Variants in SPATA6 observed in about 807,000 individuals in gnomAD.
SPATA6 encodes the protein spermatogenesis associated 6, also known as spermatogenesis-associated protein 6.
Under a neutral mutation model 65.3 loss-of-function variants are expected in SPATA6, and 56 were observed. That is an observed-to-expected ratio of 0.86 (90% confidence interval 0.69 to 1.07). SPATA6 has a LOEUF of 1.07. Ranked by LOEUF, SPATA6 falls within the 50% of genes least tolerant of loss-of-function variation. The pLI is 0.00. For missense variants in SPATA6, 590 were observed against 594.8 expected (o/e 0.99, Z 0.08); for synonymous variants, 199 against 213.2 (o/e 0.93, Z 0.58).
intron 11 of SPATA6, among the ~76,000 whole-genome samples, chr1:48,342,476 C>G (rs142459454): frequency 6.6e-6 from 1 of 151,876 alleles, no homozygotes; most frequent in Admixed American, 6.6e-5. Context: ...ATTAGTCGGA[C>G]GTGGTGGCCC....
intron 11 of SPATA6, among the ~76,000 whole-genome samples, chr1:48,307,405 T>G (rs1390479254): frequency 6.7e-6 from 1 of 148,730 alleles, no homozygotes; most frequent in South Asian, 2.1e-4. Flanking sequence ...TATATTCATA[T>G]ATATATAACT....
chr1:48,466,754 G>A (rs1657838591), intron 1 of SPATA6, among the ~76,000 whole-genome samples: 1 of 151,914 alleles, frequency 6.6e-6, no homozygotes, highest in African/African-American at 2.4e-5. Flanking sequence ...AACTGTGACT[G>A]AGACACTACC....
At chr1:48,447,523 C>CA (rs1478100129) in intron 3 of SPATA6, among the ~76,000 whole-genome samples, 1 of 151,772 alleles carries the variant, frequency 6.6e-6, no homozygotes, top group Non-Finnish European at 1.5e-5. Flanking sequence ...CATCTCAAAA[C>CA]AAAAAAACAT....
At position 48,316,552 on chromosome 1, in the gene SPATA6, C is replaced by T. The variant is rs560906265; in HGVS notation, c.1195-10674G>A. On this transcript the variant is annotated intron_variant, in intron 11 of 12. Coordinates refer to ENST00000371847, the MANE Select transcript of SPATA6 (RefSeq NM_019073.4). ...TAATTCAAGATGGATTAAAGACTTA[C>T]TTGTTAGACCTAAAACCATAAAAAC... 7.3e-4 allele frequency among the ~76,000 whole-genome samples: 111 copies of T among 152,088 alleles called. 1 individual carries two copies. Among genetic ancestry groups the T allele is most frequent in the Middle Eastern group, 3.4e-3 (1 of 294 alleles).
intron 11 of SPATA6, among the ~76,000 whole-genome samples, chr1:48,313,314 A>G (rs955922135): frequency 8.5e-5 from 13 of 152,218 alleles, no homozygotes; most frequent in Non-Finnish European, 1.6e-4. Context: ...GTTACCCACA[A>G]AGGGAGGCCC....
chr1:48,385,110 G>A (rs532929847), intron 9 of SPATA6, among the ~76,000 whole-genome samples, 199 bp downstream of exon 9: 160 of 151,920 alleles, frequency 1.1e-3, no homozygotes, highest in African/African-American at 3.8e-3. Flanking sequence ...ATAACCAAAA[G>A]CCAAAAAATA....
chr1:48,470,724 G>A (rs1658175917), intron 1 of SPATA6, among the ~76,000 whole-genome samples: 1 of 152,140 alleles, frequency 6.6e-6, no homozygotes. Context: ...AGGAAAGGCG[G>A]GAAGCTGCAA....
chr1:48,352,210 A>G (rs1188808606), intron 11 of SPATA6, among the ~76,000 whole-genome samples: 1 of 152,054 alleles, frequency 6.6e-6, no homozygotes, highest in African/African-American at 2.4e-5. Flanking sequence ...ATCAGACCTC[A>G]TGAGACTTAT....
chr1:48,372,265 G>A (rs956476238), intron 9 of SPATA6, among the ~76,000 whole-genome samples: 2 of 152,154 alleles, frequency 1.3e-5, no homozygotes, highest in African/African-American at 2.4e-5. Context: ...TGGGGGTACA[G>A]GTATTGGGTA....
At chr1:48,371,542 C>T (rs1284097617) in intron 9 of SPATA6, among the ~76,000 whole-genome samples, 10 of 152,270 alleles carry the variant, frequency 6.6e-5, no homozygotes, top group African/African-American at 2.4e-4. Context: ...AGTGGCTGGA[C>T]ATCATAAACG....
chr1:48,410,650 TCA>T (rs59079314), intron 5 of SPATA6, among the ~76,000 whole-genome samples: 4,655 of 152,192 alleles, frequency 0.031, 219 homozygotes, highest in African/African-American at 0.11. Context: ...AAACTTACAA[TCA>T]CAGTGGAAGG....
intron 11 of SPATA6, among the ~76,000 whole-genome samples, chr1:48,335,915 A>G (rs1479696572): frequency 1.3e-5 from 2 of 152,174 alleles, no homozygotes; most frequent in Non-Finnish European, 2.9e-5. Context: ...TAGAATCTAC[A>G]GGGAACTTAA....
chr1:48,462,268 AC>A, intron 1 of SPATA6, among the ~76,000 whole-genome samples: 1 of 152,150 alleles, frequency 6.6e-6, no homozygotes, highest in Non-Finnish European at 1.5e-5. Context: ...TGGGTGCAGC[AC>A]ACCAGCATGG....
At position 48,297,269 on chromosome 1, in the gene SPATA6, T is replaced by A. The variant is rs963172496; in HGVS notation, c.*1444A>T. 6.6e-6 allele frequency: 1 copy of A among 151,956 alleles called. No homozygotes were observed. The highest frequency in any genetic ancestry group is 2.4e-5 in the African/African-American group (1 of 41,356). The allele number at this position is 151,956 out of a possible 1,614,324, so 9.4% of individuals were successfully genotyped here. ...AACAGTGATCTTGGTCCACAGAACA[T>A]AGTTTGGGGTCTACTACATTCTTAT... On this transcript the variant is annotated 3_prime_UTR_variant, in exon 13 of 13. Transcript: ENST00000371847.
At position 48,296,319 on chromosome 1, in the gene SPATA6, G is replaced by C. The variant is rs979337593; in HGVS notation, c.*2394C>G. On this transcript the variant is annotated 3_prime_UTR_variant, in exon 13 of 13. Coordinates refer to ENST00000371847, the MANE Select transcript of SPATA6 (RefSeq NM_019073.4). Reference sequence around the variant, plus strand: ...CATGGACCACTCTTTCCTCCTAGGGGATAGAAGATAATCAGACACTTAGCA... The same window carrying C: ...CATGGACCACTCTTTCCTCCTAGGGCATAGAAGATAATCAGACACTTAGCA... The C allele has an allele frequency of 2.0e-5, 3 of 152,186 alleles. No individual in the cohort carries two copies. Among genetic ancestry groups the C allele is most frequent in the African/African-American group, 7.2e-5 (3 of 41,440 alleles). The allele number at this position is 152,186 out of a possible 1,614,324, so 9.4% of individuals were successfully genotyped here.
intron 10 of SPATA6, among the ~76,000 whole-genome samples, chr1:48,356,792 G>C (rs1248701189): frequency 1.3e-5 from 2 of 151,900 alleles, no homozygotes; most frequent in Non-Finnish European, 2.9e-5. Flanking sequence ...CATGAGCCCA[G>C]TTTGTTCTTA....
At chr1:48,415,707 C>T (rs898557989) in intron 3 of SPATA6, among the ~76,000 whole-genome samples, 1 of 147,184 alleles carries the variant, frequency 6.8e-6, no homozygotes, top group Non-Finnish European at 1.5e-5. Context: ...TATAAATACA[C>T]GTGATGAGAA....
chr1:48,407,721 G>C (rs1651840322), intron 5 of SPATA6, among the ~76,000 whole-genome samples: 1 of 152,142 alleles, frequency 6.6e-6, no homozygotes, highest in Non-Finnish European at 1.5e-5. Flanking sequence ...TTCATTGTTT[G>C]TGAAAATTTT....
intron 1 of SPATA6, among the ~76,000 whole-genome samples, chr1:48,466,337 A>G (rs1384745198): frequency 1.3e-5 from 2 of 152,140 alleles, no homozygotes; most frequent in African/African-American, 2.4e-5. Flanking sequence ...GTGAATCAGA[A>G]AAAGCAGGTT....
Sources: allele counts gnomAD v4.1 joint callset (sites outside exome capture counted in the v4.1 genomes callset), GRCh38; gene constraint gnomAD v4.1.1; transcripts MANE v1.5; gene names NCBI Gene and HGNC (gene_info 2026-07-23, HGNC 2026-07-21).